The following PROCR variants were observed in gnomAD, a reference collection of about 807,000 sequenced individuals.
The protein encoded by PROCR is endothelial protein C receptor.
A neutral mutation model predicts 24.2 loss-of-function variants in PROCR; 22 were observed. The observed-to-expected ratio is 0.91, with a 90% CI of 0.65 to 1.30. PROCR has a LOEUF of 1.30. Among genes scored for constraint, PROCR ranks in the 50% most tolerant of loss-of-function variants. The pLI is 0.00. For synonymous variants in PROCR, 137 were observed against 139.2 expected (o/e 0.98, Z 0.11); for missense variants, 288 against 307.7 (o/e 0.94, Z 0.48).
chr20:35,172,255 A>T, intron 1 of PROCR, 31 bp downstream of exon 1: 1 of 1,610,082 alleles, frequency 6.2e-7, no homozygotes. Flanking sequence ...CTGCCTCAGG[A>T]TGGTTCTGGA....
intron 1 of PROCR, among the ~76,000 whole-genome samples, chr20:35,210,471 C>G (rs1050353478): frequency 6.6e-6 from 1 of 152,012 alleles, no homozygotes; most frequent in African/African-American, 2.4e-5. Context: ...CACTTGAACT[C>G]AGGAGATTGA....
intron 1 of PROCR, 32 bp from the exon 2 acceptor site, chr20:35,174,670 C>G (rs1270861509): frequency 1.2e-6 from 2 of 1,613,198 alleles, no homozygotes; most frequent in Admixed American, 3.3e-5. Flanking sequence ...CCCTCCCACG[C>G]CGGCCCAGGC....
downstream of PROCR, among the ~76,000 whole-genome samples, chr20:35,177,763 C>T (rs2086035574): frequency 6.6e-6 from 1 of 152,120 alleles, no homozygotes; most frequent in South Asian, 2.1e-4. Flanking sequence ...TGCAATCTGA[C>T]TTCTCTATAA....
downstream of PROCR, among the ~76,000 whole-genome samples, chr20:35,182,278 A>G (rs2086084858): frequency 1.3e-5 from 2 of 152,212 alleles, no homozygotes; most frequent in Admixed American, 6.5e-5. Context: ...ATCAGTAGCC[A>G]CTGCTGTATT....
intron 1 of PROCR, among the ~76,000 whole-genome samples, chr20:35,205,841 ATATACATG>A (rs1388471420): frequency 3.8e-4 from 55 of 143,070 alleles, no homozygotes; most frequent in African/African-American, 1.3e-3. Context: ...ACATATACAT[ATATACATG>A]TATACATATA....
At position 35,205,783 on chromosome 20, in the gene PROCR, A is replaced by ATG. The variant is rs1469477121; in HGVS notation, c.95-10109_95-10108insGT. Among the ~76,000 whole-genome samples, 39 of 137,874 alleles carry ATG rather than the reference A, an allele frequency of 2.8e-4. 1 individual carries two copies. Among genetic ancestry groups the ATG allele is most frequent in the African/African-American group, 1.1e-3 (39 of 35,364 alleles). The allele number at this position is 137,874 out of a possible 152,430, so 90.5% of individuals were successfully genotyped here. On this transcript the variant is annotated intron_variant, in intron 1 of 1. Transcript: ENST00000634509. ...TATATATATATATATATATATATAT[A>ATG]TATATGTATATATACACACATATAT...
rs1185401873 is a variant in PROCR at position 35,174,698 on chromosome 20, G to A, written c.71-4G>A. 2 of 1,613,806 alleles carry A rather than the reference G, an allele frequency of 1.2e-6. No homozygotes were observed. The highest frequency in any genetic ancestry group is 2.2e-5 in the East Asian group (1 of 44,864). On this transcript the variant is annotated splice_region_variant and splice_polypyrimidine_tract_variant and intron_variant, in intron 1 of 3. Coordinates refer to ENST00000216968, the MANE Select transcript of PROCR (RefSeq NM_006404.5). Reference sequence around the variant, plus strand: ...GCCCAGGCTGAAGCTGACTCTGCCCGCAGGCCTCCAAAGACTTCATATGCT... The same window carrying A: ...GCCCAGGCTGAAGCTGACTCTGCCCACAGGCCTCCAAAGACTTCATATGCT...
chr20:35,195,435 A>C (rs1461840129), intron 1 of PROCR: 1 of 152,208 alleles, frequency 6.6e-6, no homozygotes, highest in Non-Finnish European at 1.5e-5. Flanking sequence ...TCAATTAAAA[A>C]AATGTTTTTA....
At chr20:35,210,071 A>T (rs1219763399) in intron 1 of PROCR, among the ~76,000 whole-genome samples, 4 of 152,122 alleles carry the variant, frequency 2.6e-5, no homozygotes, top group Admixed American at 6.6e-5. Flanking sequence ...TACAAAAATT[A>T]AAAAATTAGC....
chr20:35,215,523 G>A (rs1210057728), intron 1 of PROCR, among the ~76,000 whole-genome samples: 3 of 150,802 alleles, frequency 2.0e-5, no homozygotes, highest in African/African-American at 4.9e-5. Flanking sequence ...ACCTGAAGAC[G>A]GCCTCACTTG....
intron 1 of PROCR, among the ~76,000 whole-genome samples, chr20:35,204,248 A>G (rs2060329211): frequency 6.6e-6 from 1 of 152,226 alleles, no homozygotes; most frequent in Non-Finnish European, 1.5e-5. Flanking sequence ...TCAGAGAAAT[A>G]GTCCTAAATG....
At chr20:35,203,278 T>A (rs2060325523) in intron 1 of PROCR, 1 of 151,546 alleles carries the variant, frequency 6.6e-6, no homozygotes, top group Admixed American at 6.6e-5. Context: ...AAATAAGAAA[T>A]CAATAATAGA....
chr20:35,172,760 A>C (rs1162245378), intron 1 of PROCR, among the ~76,000 whole-genome samples: 1 of 152,264 alleles, frequency 6.6e-6, no homozygotes, highest in East Asian at 1.9e-4. Flanking sequence ...ATGGGCGATC[A>C]GGCTACTGAA....
chr20:35,174,593 T>C (rs1198302252), intron 1 of PROCR, 109 bp from the exon 2 acceptor site: 1 of 1,392,978 alleles, frequency 7.2e-7, no homozygotes, highest in Non-Finnish European at 1.0e-6. Flanking sequence ...TTATAGTTTA[T>C]GAAGGGTCGA....
intron 2 of PROCR, among the ~76,000 whole-genome samples, chr20:35,175,580 T>C (rs1478292556): frequency 1.3e-5 from 1 of 78,414 alleles, no homozygotes; most frequent in Non-Finnish European, 2.5e-5. Flanking sequence ...CCACCCCCCT[T>C]TTTTTTTTTT....
intron 1 of PROCR, among the ~76,000 whole-genome samples, chr20:35,209,454 G>A (rs927689942): frequency 6.6e-5 from 10 of 152,200 alleles, no homozygotes; most frequent in African/African-American, 1.9e-4. Flanking sequence ...TGGGAGCAAG[G>A]TCTATGCTAG....
Position 35,176,458 on chromosome 20 carries a change from C to T in PROCR, c.601+12C>T, listed in dbSNP as rs770875111. ...GGAAAACACGAAAGGTATGATGGGACGGGGCCCAGGCCTGCAAGCTGGGGA... is the reference window on the plus strand; with the variant it reads ...GGAAAACACGAAAGGTATGATGGGATGGGGCCCAGGCCTGCAAGCTGGGGA... On this transcript the variant is annotated intron_variant, in intron 3 of 3. Coordinates refer to ENST00000216968, the MANE Select transcript of PROCR (RefSeq NM_006404.5). The T allele has an allele frequency of 1.5e-5, 24 of 1,612,664 alleles. No individual in the cohort carries two copies. In the Admixed American group the frequency reaches 1.5e-4, roughly 10 times the overall value.
intron 1 of PROCR, among the ~76,000 whole-genome samples, chr20:35,191,898 A>T (rs767918070): frequency 6.6e-6 from 1 of 152,226 alleles, no homozygotes; most frequent in African/African-American, 2.4e-5. Context: ...TATGGCTACC[A>T]TGGGGGGAAA....
chr20:35,213,740 AT>A (rs2060370536), intron 1 of PROCR, among the ~76,000 whole-genome samples: 1 of 152,156 alleles, frequency 6.6e-6, no homozygotes, highest in African/African-American at 2.4e-5. Context: ...TATCCACATG[AT>A]TAAAAAGTCA....
Sources: gnomAD v4.1 joint callset for allele counts (sites outside exome capture counted in the v4.1 genomes callset) on GRCh38, gnomAD v4.1.1 for gene constraint, MANE v1.5 for transcripts, NCBI Gene and HGNC (gene_info 2026-07-23, HGNC 2026-07-21) for gene names.